The following LYST variants were observed in gnomAD, a reference collection of about 807,000 sequenced individuals.
LYST encodes the protein lysosomal-trafficking regulator.
A neutral mutation model predicts 413.6 loss-of-function variants in LYST; 192 were observed. The ratio of observed to expected loss-of-function variants is 0.46; its 90% CI spans 0.41 to 0.52. LYST has a LOEUF of 0.52. LYST is among the 20% of genes least tolerant of loss of function. LYST has a pLI of 0.00. For synonymous variants in LYST, 1,525 were observed against 1,567.3 expected, an observed-to-expected ratio of 0.97 and a Z score of 0.64; for missense variants, 3,815 against 4,499.9, an observed-to-expected ratio of 0.85 and a Z score of 4.35.
At chr1:235,867,902 G>A (rs1215097706), upstream of LYST, among the ~76,000 whole-genome samples, 1 of 152,112 alleles carries the variant, frequency 6.6e-6, no homozygotes, top group African/African-American at 2.4e-5. Flanking sequence ...ATAATTTTTT[G>A]CACAGGAATT....
At position 235,737,938 on chromosome 1, in the gene LYST, GCCCCAACACCC is replaced by G; in HGVS notation, c.8359-3290_8359-3280del. 5.0e-6 allele frequency: 6 copies of G among 1,193,660 alleles called. No homozygotes were observed. In the South Asian group the frequency reaches 1.0e-4, roughly 21 times the overall value. 73.9% of individuals were successfully genotyped at this position (1,193,660 alleles called of 1,614,324 possible). A position where few individuals can be genotyped will look rare whatever the true frequency, so the allele number is the denominator to read the frequency against. ...ACGAGTCTGGATCTCACTGCCGCGT[GCCCCAACACCC>G]GCCGGACGTGCATTCTCGATTCCTT... is the stretch of plus-strand genomic sequence containing the variant. On this transcript the variant is annotated intron_variant, in intron 31 of 52. Coordinates refer to ENST00000389793, the MANE Select transcript of LYST (RefSeq NM_000081.4).
intron 48 of LYST, among the ~76,000 whole-genome samples, chr1:235,678,097 A>T (rs1659528015): frequency 6.6e-6 from 1 of 152,070 alleles, no homozygotes; most frequent in Non-Finnish European, 1.5e-5. Flanking sequence ...AAAGGTTTTT[A>T]GTAGATTAGA....
At chr1:235,817,573 A>T (rs767440335) in intron 3 of LYST, among the ~76,000 whole-genome samples, 6 of 152,198 alleles carry the variant, frequency 3.9e-5, no homozygotes, top group Non-Finnish European at 7.3e-5. Context: ...AGCAATATGG[A>T]TGGACGCTGA....
chr1:235,760,934 T>C (rs910819593), intron 22 of LYST, among the ~76,000 whole-genome samples: 5 of 152,144 alleles, frequency 3.3e-5, no homozygotes, highest in Admixed American at 2.6e-4. Context: ...AAAAAACAAA[T>C]ATGTCCTGTA....
intron 4 of LYST, among the ~76,000 whole-genome samples, chr1:235,812,654 T>C (rs985145666): frequency 6.6e-6 from 1 of 152,204 alleles, no homozygotes; most frequent in African/African-American, 2.4e-5. Context: ...TTCAGACTTT[T>C]CACTTCCAAC....
chr1:235,832,043 T>A (rs1676049657), intron 2 of LYST, among the ~76,000 whole-genome samples: 1 of 152,184 alleles, frequency 6.6e-6, no homozygotes, highest in Non-Finnish European at 1.5e-5. Flanking sequence ...TACTGCAGTA[T>A]CGTTTCTGGG....
At chr1:235,858,429 C>G (rs111415763) in intron 1 of LYST, among the ~76,000 whole-genome samples, 3 of 152,132 alleles carry the variant, frequency 2.0e-5, no homozygotes, top group African/African-American at 7.2e-5. Flanking sequence ...TTAATCTTGG[C>G]TATCCACCCA....
At chr1:235,871,464 CT>C (rs1164256955), upstream of LYST, among the ~76,000 whole-genome samples, 1 of 152,148 alleles carries the variant, frequency 6.6e-6, no homozygotes, top group Non-Finnish European at 1.5e-5. Context: ...TGGAAATGTC[CT>C]AGTACTTTAA....
chr1:235,707,852 T>C (rs568445649), intron 44 of LYST, among the ~76,000 whole-genome samples: 1 of 152,246 alleles, frequency 6.6e-6, no homozygotes, highest in Admixed American at 6.5e-5. Flanking sequence ...ACCAGAATTG[T>C]TTTGGATTTC....
At chr1:235,688,563 C>T (rs573194151) in intron 47 of LYST, among the ~76,000 whole-genome samples, 1 of 152,122 alleles carries the variant, frequency 6.6e-6, no homozygotes. Flanking sequence ...AGAAAGCTGA[C>T]AGAGGAAGAT....
chr1:235,829,571 A>G (rs1160985973), intron 3 of LYST: 1 of 152,212 alleles, frequency 6.6e-6, no homozygotes, highest in Non-Finnish European at 1.5e-5. Flanking sequence ...ATAAAGATAT[A>G]AATCACATTT....
At position 235,793,557 on chromosome 1, in the gene LYST, A is replaced by G. The variant is rs1211213291; in HGVS notation, c.4062T>C (p.Cys1354=). The change falls in exon 11 of 53, where the codon TGT becomes TGC. Residue 1354 remains cysteine, a synonymous_variant. Transcript: ENST00000389793. ...LLVSLMSSRT[C]SEELTLLLRI... is the part of the protein sequence containing the mutation. ...TCAAAAGAAGGGTTAGCTCTTCTGAACATGTTCTTGAACTCATCAAAGATA... is the reference window on the plus strand; with the variant it reads ...TCAAAAGAAGGGTTAGCTCTTCTGAGCATGTTCTTGAACTCATCAAAGATA... 1.2e-6 allele frequency: 2 copies of G among 1,603,836 alleles called. No individual in the cohort carries two copies. The highest frequency in any genetic ancestry group is 2.2e-5 in the East Asian group (1 of 44,564).
intron 2 of LYST, among the ~76,000 whole-genome samples, chr1:235,832,210 A>C (rs1676072134): frequency 6.6e-6 from 1 of 152,248 alleles, no homozygotes; most frequent in Non-Finnish European, 1.5e-5. Context: ...AAGTCTGCTG[A>C]AGCACTGACA....
Position 235,806,556 on chromosome 1 carries a change from A to G in LYST, c.2580T>C (p.His860=). Residue 860 remains histidine, a synonymous_variant, in exon 6 of 53, where the codon CAT becomes CAC. Transcript: ENST00000389793. ...GAGGAGAATCTGAATAAGCTTGCTG[A>G]TGATGAAAAGAAGTACCCACATGTA... ...SSVHVGTSFH[H]QQAYSDSPQS... is the part of the protein sequence containing the mutation. The G allele has an allele frequency of 6.2e-7, 1 of 1,614,116 alleles. No homozygotes were observed. Among genetic ancestry groups the G allele is most frequent in the South Asian group, 1.1e-5 (1 of 91,080 alleles).
At chr1:235,756,830 A>G (rs1218691776) in intron 24 of LYST, among the ~76,000 whole-genome samples, 1 of 152,196 alleles carries the variant, frequency 6.6e-6, no homozygotes, top group Non-Finnish European at 1.5e-5. Context: ...TATTTTGATA[A>G]GATCATCAGG....
upstream of LYST, among the ~76,000 whole-genome samples, chr1:235,868,556 C>T (rs1156807082): frequency 6.6e-6 from 1 of 152,070 alleles, no homozygotes; most frequent in African/African-American, 2.4e-5. Context: ...AATAGATTAT[C>T]ATGATTTCAT....
chr1:235,805,790 C>T lies in LYST; in HGVS notation c.3346G>A (p.Gly1116Ser). 1 of 1,613,308 alleles carries T rather than the reference C, an allele frequency of 6.2e-7. No homozygotes were observed. Among genetic ancestry groups the T allele is most frequent in the Non-Finnish European group, 8.5e-7 (1 of 1,179,754 alleles). The change falls in exon 6 of 53, where the codon GGT (glycine) becomes AGT (serine). Residue 1116 changes from glycine (G) to serine (S), a missense_variant. Around this residue, in one of 4 missense-constraint regions of LYST, gnomAD observed 1,648 missense variants for 1,810.3 expected, o/e 0.91. Transcript: ENST00000389793. ...LEALLAICLH[G>S]ARTSQQKMEL... ...ATCTTCTGTTGACTAGTTCTGGCAC[C>T]ATGAAGACAAATGGCCAGAAGGGCT...
intron 3 of LYST, among the ~76,000 whole-genome samples, chr1:235,819,041 G>A (rs1674466648): frequency 6.6e-6 from 1 of 152,206 alleles, no homozygotes; most frequent in Admixed American, 6.5e-5. Context: ...CACCAAGTGA[G>A]TTAGTTCTTG....
At position 235,733,866 on chromosome 1, in the gene LYST, G is replaced by A. The variant is rs747414785; in HGVS notation, c.8576C>T (p.Ala2859Val). 6.2e-7 allele frequency: 1 copy of A among 1,602,020 alleles called. No homozygotes were observed. Among genetic ancestry groups the A allele is most frequent in the East Asian group, 2.2e-5 (1 of 44,704 alleles). Reference protein sequence around the residue: ...KYETEEGVNKAAWQKTVNNNQ... With the variant: ...KYETEEGVNKVAWQKTVNNNQ... ...ATTGTTAACTGTTTTCTGCCAAGCA[G>A]CTTTATTCACTCCTTCTTCAGTTTC... The change falls in exon 33 of 53, where the codon GCT becomes GTT. Residue 2859 changes from alanine (A) to valine (V), a missense_variant. Physicochemically the swap from Ala to Val is moderately conservative, Grantham distance 64. Transcript: ENST00000389793.
Sources: gnomAD v4.1 joint callset for allele counts (sites outside exome capture counted in the v4.1 genomes callset) on GRCh38, gnomAD v4.1.1 for gene constraint, gnomAD v4.1.1 regional missense constraint, MANE v1.5 for transcripts, NCBI Gene and HGNC (gene_info 2026-07-23, HGNC 2026-07-21) for gene names.